The following COLEC12 variants were observed in gnomAD, a reference collection of about 807,000 sequenced individuals.
The protein encoded by COLEC12 is collectin-12.
COLEC12 carries 33 observed loss-of-function variants against 71.1 expected under a neutral mutation model. That is an observed-to-expected ratio of 0.46 (90% CI 0.35 to 0.62). The LOEUF (loss-of-function observed/expected upper bound fraction) is 0.62, where lower values mean the gene tolerates loss of function less well. Ranked by LOEUF, COLEC12 falls within the 20% of genes least tolerant of loss-of-function variation. The probability of loss-of-function intolerance (pLI) is 0.00; values close to 1 mark genes in which losing one functional copy is unlikely to be tolerated. For synonymous variants in COLEC12, 350 were observed against 353.0 expected, an observed-to-expected ratio of 0.99 and a Z score of 0.10; for missense variants, 765 against 916.1, an observed-to-expected ratio of 0.84 and a Z score of 2.13.
intron 2 of COLEC12, among the ~76,000 whole-genome samples, chr18:455,734 G>A (rs1341410157): frequency 6.6e-6 from 1 of 151,822 alleles, no homozygotes; most frequent in Non-Finnish European, 1.5e-5. Flanking sequence ...ACTTATGAGT[G>A]AGAACATGCA....
intron 2 of COLEC12, among the ~76,000 whole-genome samples, chr18:402,509 G>C (rs1250150059): frequency 6.6e-6 from 1 of 152,084 alleles, no homozygotes; most frequent in Non-Finnish European, 1.5e-5. Flanking sequence ...ACTTTTAATA[G>C]TTAAGCATGG....
Position 346,699 on chromosome 18 carries a change from T to C in COLEC12, c.923A>G (p.Glu308Gly), listed in dbSNP as rs753329207. The C allele has an allele frequency of 5.6e-6, 9 of 1,614,122 alleles. No individual in the cohort carries two copies. The highest frequency in any genetic ancestry group is 7.6e-6 in the Non-Finnish European group (9 of 1,180,040). ...ENITTISQANEQNLKDLQDLH... is the reference protein window; with the variant it reads ...ENITTISQANGQNLKDLQDLH... ...GTCCTGCAGGTCTTTCAGGTTCTGC[T>C]CGTTGGCTTGAGAGATAGTGGTGAT... The change falls in exon 5 of 10, where the codon GAG becomes GGG. Residue 308 changes from glutamate (E) to glycine (G), a missense_variant. Coordinates refer to ENST00000400256, the MANE Select transcript of COLEC12 (RefSeq NM_130386.3). This position sits in a 1 kb window ranked among gnomAD's most constrained non-coding sequence, Gnocchi z 4.0.
intron 1 of COLEC12, among the ~76,000 whole-genome samples, chr18:481,773 C>A (rs1917422289): frequency 6.6e-6 from 1 of 152,086 alleles, no homozygotes; most frequent in Non-Finnish European, 1.5e-5. Context: ...AAATCTCATT[C>A]CTAAAGTAGA....
intron 2 of COLEC12, among the ~76,000 whole-genome samples, chr18:395,591 T>C (rs931664752): frequency 3.3e-5 from 5 of 152,218 alleles, no homozygotes; most frequent in African/African-American, 1.2e-4. Flanking sequence ...GAGGGTACTG[T>C]ACTTGGGGAA....
chr18:494,277 A>G (rs1283544800), intron 1 of COLEC12, among the ~76,000 whole-genome samples: 1 of 152,212 alleles, frequency 6.6e-6, no homozygotes, highest in East Asian at 1.9e-4. Flanking sequence ...ATTTGCCTTC[A>G]TGGTCTAAAC....
chr18:392,701 C>A (rs1395042108), intron 2 of COLEC12, among the ~76,000 whole-genome samples: 2 of 152,166 alleles, frequency 1.3e-5, no homozygotes, highest in Middle Eastern at 3.2e-3. Flanking sequence ...ATGTGAGGGC[C>A]TTTTATGGGC....
At chr18:409,967 T>C (rs1174128391) in intron 2 of COLEC12, among the ~76,000 whole-genome samples, 1 of 152,198 alleles carries the variant, frequency 6.6e-6, no homozygotes, top group African/African-American at 2.4e-5. Context: ...CTTCGAGACC[T>C]AGATCTTCTA....
intron 2 of COLEC12, among the ~76,000 whole-genome samples, chr18:447,040 T>C (rs1916667787): frequency 1.3e-5 from 2 of 152,228 alleles, no homozygotes; most frequent in South Asian, 4.1e-4. Context: ...AGGGCTCCTC[T>C]GGCTCCTGTG....
intron 6 of COLEC12, 175 bp from the exon 7 acceptor site, chr18:333,318 T>C (rs902832645): frequency 3.6e-6 from 2 of 557,304 alleles, no homozygotes; most frequent in Non-Finnish European, 6.3e-6. Flanking sequence ...TGACCCAAAG[T>C]GGACTGCAGA....
chr18:447,605 A>C (rs113550643), intron 2 of COLEC12, among the ~76,000 whole-genome samples: 371 of 152,278 alleles, frequency 2.4e-3, no homozygotes, highest in African/African-American at 8.5e-3. Context: ...AATCTAGTAC[A>C]TTGCTCTTTA....
intron 2 of COLEC12, among the ~76,000 whole-genome samples, chr18:416,221 C>T (rs899135570): frequency 1.2e-4 from 18 of 152,080 alleles, no homozygotes; most frequent in African/African-American, 4.3e-4. Flanking sequence ...CAAAAAAATT[C>T]ATTTTGGGGA....
At chr18:357,648 A>G in intron 2 of COLEC12, 126 bp from the exon 3 acceptor site, 1 of 698,264 alleles carries the variant, frequency 1.4e-6, no homozygotes, top group South Asian at 2.4e-5. Context: ...ATACTATGAG[A>G]ACTATTTTGA....
intron 2 of COLEC12, among the ~76,000 whole-genome samples, chr18:469,169 G>C (rs754165866): frequency 5.9e-5 from 9 of 152,228 alleles, no homozygotes; most frequent in Non-Finnish European, 1.2e-4. Context: ...GAAAGAGGTG[G>C]GGGCAGAGGG....
At chr18:445,719 G>A (rs12967921) in intron 2 of COLEC12, among the ~76,000 whole-genome samples, 33,716 of 148,720 alleles carry the variant, frequency 0.23, 4,011 homozygotes, top group East Asian at 0.38. Context: ...TGCAACCTTC[G>A]CCACCTGGGC....
intron 5 of COLEC12, among the ~76,000 whole-genome samples, chr18:342,349 A>G (rs1184810543): frequency 6.6e-6 from 1 of 152,264 alleles, no homozygotes; most frequent in African/African-American, 2.4e-5. Flanking sequence ...GTGAACATCT[A>G]TCTCTACACT....
chr18:416,388 A>T (rs1331497674), intron 2 of COLEC12, among the ~76,000 whole-genome samples: 1 of 152,228 alleles, frequency 6.6e-6, no homozygotes, highest in Non-Finnish European at 1.5e-5. Flanking sequence ...GATGAAAAGC[A>T]GGATGAATCA....
Position 365,875 on chromosome 18 carries a change from T to C in COLEC12, c.59-8353A>G, listed in dbSNP as rs138685483. Among the ~76,000 whole-genome samples the C allele has an allele frequency of 7.7e-3, 1,168 of 152,208 alleles. 7 individuals are homozygous for C. Among genetic ancestry groups the C allele is most frequent in the Middle Eastern group, 0.014 (4 of 294 alleles). On this transcript the variant is annotated intron_variant, in intron 2 of 9. Transcript: ENST00000400256. Reference sequence around the variant, plus strand: ...GCTGTCATCTTGGCTAATATGCATCTCACCAGTGAAGAAACTGAGGCCCAA... The same window carrying C: ...GCTGTCATCTTGGCTAATATGCATCCCACCAGTGAAGAAACTGAGGCCCAA...
chr18:323,119 G>A (rs112987515), intron 8 of COLEC12, among the ~76,000 whole-genome samples: 49 of 152,270 alleles, frequency 3.2e-4, no homozygotes, highest in African/African-American at 1.2e-3. Context: ...CAGCTACTTG[G>A]GAGGCTGAAG....
chr18:323,187 C>T (rs753637896), intron 8 of COLEC12, among the ~76,000 whole-genome samples: 7 of 152,184 alleles, frequency 4.6e-5, no homozygotes, highest in African/African-American at 9.7e-5. Context: ...GATCATGCCA[C>T]TGCACTCCAG....
Sources: gnomAD v4.1 joint callset for allele counts (sites outside exome capture counted in the v4.1 genomes callset) on GRCh38, gnomAD v4.1.1 for gene constraint, Gnocchi (gnomAD v3.1) non-coding constraint, MANE v1.5 for transcripts, NCBI Gene and HGNC (gene_info 2026-07-23, HGNC 2026-07-21) for gene names.